SLC71A2: variants seen among roughly 807,000 people sequenced by gnomAD.
SLC71A2 encodes solute carrier family 71 member 2, also known as hippocampus abundant transcript-like 1.
At chr9:94,420,579 T>C in the SLC71A2 span, among the ~76,000 whole-genome samples, 1 of 151,852 alleles carries the variant, frequency 6.6e-6, no homozygotes, top group African/African-American at 2.4e-5. Context: ...TTCTTGTAGA[T>C]ATTGGGTTTA....
At chr9:94,439,022 GTTTTT>G in the SLC71A2 span, among the ~76,000 whole-genome samples, 6 of 115,700 alleles carry the variant, frequency 5.2e-5, no homozygotes, top group South Asian at 2.8e-4. Flanking sequence ...ATTTGAGTTC[GTTTTT>G]TTTTTTTTTT....
At chr9:94,405,973 AGT>A in the SLC71A2 span, among the ~76,000 whole-genome samples, 2 of 150,066 alleles carry the variant, frequency 1.3e-5, no homozygotes, top group African/African-American at 2.5e-5. Context: ...TTCTTTCAGC[AGT>A]GTCTTACAGT....
At chr9:94,375,096 C>G in the SLC71A2 span, among the ~76,000 whole-genome samples, 2 of 152,060 alleles carry the variant, frequency 1.3e-5, no homozygotes, top group East Asian at 1.9e-4. Flanking sequence ...TTCCTAGTGA[C>G]TGCTCATCGC....
chr9:94,411,522 T>C, the SLC71A2 span, among the ~76,000 whole-genome samples: 2 of 152,144 alleles, frequency 1.3e-5, no homozygotes, highest in South Asian at 4.1e-4. Context: ...ATGGCCTAGA[T>C]TCACTATTTC....
chr9:94,425,135 G>A, the SLC71A2 span, among the ~76,000 whole-genome samples: 40 of 151,544 alleles, frequency 2.6e-4, no homozygotes, highest in African/African-American at 9.0e-4. Flanking sequence ...CAACCTCGGC[G>A]AAACCCCATA....
At chr9:94,410,429 G>C in the SLC71A2 span, among the ~76,000 whole-genome samples, 1 of 151,976 alleles carries the variant, frequency 6.6e-6, no homozygotes, top group African/African-American at 2.4e-5. Flanking sequence ...TAAGAGATGG[G>C]GTTCTTGCTG....
At chr9:94,439,022 G>GTTTTTTTTTTTTTTTTTT in the SLC71A2 span, among the ~76,000 whole-genome samples, 2 of 115,688 alleles carry the variant, frequency 1.7e-5, 1 homozygote. Flanking sequence ...ATTTGAGTTC[G>GTTTTTTTTTTTTTTTTTT]TTTTTTTTTT....
the SLC71A2 span, among the ~76,000 whole-genome samples, chr9:94,425,203 T>C: frequency 2.4e-4 from 37 of 151,790 alleles, no homozygotes; most frequent in Non-Finnish European, 4.6e-4. Context: ...ACTCGGGAGG[T>C]TGAGGCAGGA....
the SLC71A2 span, chr9:94,456,210 T>A: frequency 1.9e-6 from 3 of 1,565,970 alleles, no homozygotes; most frequent in Non-Finnish European, 2.6e-6. Flanking sequence ...GTTGACCTGC[T>A]GCCTGACTGT....
At chr9:94,458,204 C>CTCG in the SLC71A2 span, 7 of 708,722 alleles carry the variant, frequency 9.9e-6, no homozygotes, top group East Asian at 2.2e-4. Context: ...AGCATGCTTT[C>CTCG]TCTTTTCCTC....
the SLC71A2 span, among the ~76,000 whole-genome samples, chr9:94,405,795 A>G: frequency 6.6e-6 from 1 of 151,866 alleles, no homozygotes; most frequent in South Asian, 2.1e-4. Context: ...GATTCTATAT[A>G]AATTTTAGGA....
the SLC71A2 span, among the ~76,000 whole-genome samples, chr9:94,445,889 C>T: frequency 6.6e-6 from 1 of 152,150 alleles, no homozygotes; most frequent in Non-Finnish European, 1.5e-5. Flanking sequence ...CTAAAATACC[C>T]CCTGAGGGCA....
chr9:94,454,206 G>A, the SLC71A2 span: 1 of 618,838 alleles, frequency 1.6e-6, no homozygotes, highest in Non-Finnish European at 2.9e-6. Flanking sequence ...GAAACCATTA[G>A]GCTTTAATTT....
chr9:94,458,562 T>TA, the SLC71A2 span: 2 of 1,180,664 alleles, frequency 1.7e-6, no homozygotes, highest in Admixed American at 4.1e-5. Flanking sequence ...TCTTGTATGT[T>TA]ACTATATTTT....
the SLC71A2 span, among the ~76,000 whole-genome samples, chr9:94,436,503 C>T: frequency 6.6e-6 from 1 of 152,214 alleles, no homozygotes; most frequent in Non-Finnish European, 1.5e-5. Flanking sequence ...TAAACTTACC[C>T]ACAGCTTCTT....
chr9:94,459,131 T>TTGTC, the SLC71A2 span: 1 of 1,605,746 alleles, frequency 6.2e-7, no homozygotes, highest in Non-Finnish European at 8.5e-7. Flanking sequence ...ACTGTATTCT[T>TTGTC]TGTCTCCACT....
At chr9:94,426,108 G>T in the SLC71A2 span, among the ~76,000 whole-genome samples, 1 of 148,212 alleles carries the variant, frequency 6.7e-6, no homozygotes, top group Non-Finnish European at 1.5e-5. Flanking sequence ...GGATATTCTA[G>T]AGTACTGAAG....
At chr9:94,456,432 G>C in the SLC71A2 span, 8 of 914,636 alleles carry the variant, frequency 8.7e-6, no homozygotes, top group Non-Finnish European at 1.4e-5. Context: ...TCAACAGCAG[G>C]AGCCGACAGC....
At chr9:94,403,285 C>T in the SLC71A2 span, among the ~76,000 whole-genome samples, 3 of 152,012 alleles carry the variant, frequency 2.0e-5, no homozygotes, top group African/African-American at 4.8e-5. Flanking sequence ...TACAGGCGCC[C>T]GCCACCACGC....
Sources: gnomAD v4.1 joint callset for allele counts (sites outside exome capture counted in the v4.1 genomes callset) on GRCh38, gnomAD v4.1.1 for gene constraint, MANE v1.5 for transcripts, NCBI Gene and HGNC (gene_info 2026-07-23, HGNC 2026-07-21) for gene names.